KCNMB2: variants seen among roughly 807,000 people sequenced by gnomAD.
The protein encoded by KCNMB2 is calcium-activated potassium channel subunit beta-2.
Under a neutral mutation model 24.5 loss-of-function variants are expected in KCNMB2, and 9 were observed. The observed-to-expected ratio is 0.37, with a 90% CI of 0.22 to 0.64. The LOEUF is 0.64. Ranked by LOEUF, KCNMB2 falls within the 30% of genes least tolerant of loss-of-function variation. The pLI is 0.63. For synonymous variants in KCNMB2, 109 were observed against 104.4 expected, an observed-to-expected ratio of 1.04 and a Z score of -0.27; for missense variants, 226 against 284.3, an observed-to-expected ratio of 0.79 and a Z score of 1.47.
intron 1 of KCNMB2, among the ~76,000 whole-genome samples, chr3:178,566,825 G>A (rs899178482): frequency 6.6e-5 from 10 of 152,296 alleles, no homozygotes; most frequent in Middle Eastern, 6.8e-3. Flanking sequence ...ACCAAGTAGC[G>A]CTGTGCTTAA....
intron 1 of KCNMB2, among the ~76,000 whole-genome samples, chr3:178,579,741 A>T (rs992849748): frequency 6.6e-6 from 1 of 152,138 alleles, no homozygotes; most frequent in Admixed American, 6.5e-5. Context: ...CACTATAAAC[A>T]CCTCTATGCA....
At chr3:178,623,878 C>A (rs566858670) in intron 1 of KCNMB2, among the ~76,000 whole-genome samples, 1 of 152,142 alleles carries the variant, frequency 6.6e-6, no homozygotes, top group Admixed American at 6.5e-5. Flanking sequence ...TACTTGAGTG[C>A]TGGGCAAGCC....
chr3:178,768,080 T>C (rs1335621204), intron 1 of KCNMB2, among the ~76,000 whole-genome samples: 1 of 152,176 alleles, frequency 6.6e-6, no homozygotes, highest in Non-Finnish European at 1.5e-5. Context: ...AGACAGGAAT[T>C]TAAGTGAAGA....
At chr3:178,733,516 C>T (rs1341797545) in intron 1 of KCNMB2, among the ~76,000 whole-genome samples, 1 of 151,900 alleles carries the variant, frequency 6.6e-6, no homozygotes, top group Non-Finnish European at 1.5e-5. Flanking sequence ...AGTCTCGCTC[C>T]GTCGCCCAGG....
intron 2 of KCNMB2, among the ~76,000 whole-genome samples, chr3:178,809,872 C>A (rs1202900389): frequency 6.6e-6 from 1 of 152,140 alleles, no homozygotes; most frequent in African/African-American, 2.4e-5. Context: ...ACGAAGAAAT[C>A]ATTTTTCAGC....
intron 1 of KCNMB2, among the ~76,000 whole-genome samples, chr3:178,602,302 C>T (rs1038709410): frequency 6.6e-6 from 1 of 150,822 alleles, no homozygotes; most frequent in African/African-American, 2.5e-5. Context: ...TCCCCCTCCC[C>T]ACAAAAAAAT....
rs1267208178 is a variant in KCNMB2 at position 178,842,941 on chromosome 3, C to CA, written c.*9dup. On this transcript the variant is annotated 3_prime_UTR_variant, in exon 5 of 5. Transcript: ENST00000452583. The stretch of plus-strand genomic sequence containing the variant: ...GATCCAACGGATCAATAGATAAATG[C>CA]AAAAATGGATAAAATAATTTTTGTT... 3.2e-6 allele frequency: 5 copies of CA among 1,587,120 alleles called. No homozygotes were observed. Among genetic ancestry groups the CA allele is most frequent in the African/African-American group, 1.4e-5 (1 of 73,454 alleles).
intron 1 of KCNMB2, among the ~76,000 whole-genome samples, chr3:178,581,205 T>A (rs985706620): frequency 1.7e-4 from 26 of 152,108 alleles, no homozygotes; most frequent in African/African-American, 6.0e-4. Flanking sequence ...GCCTCAGAAA[T>A]AACATCACAC....
chr3:178,816,181 G>C (rs920052289), intron 2 of KCNMB2, among the ~76,000 whole-genome samples: 1 of 151,738 alleles, frequency 6.6e-6, no homozygotes, highest in African/African-American at 2.4e-5. Flanking sequence ...ATAAGTATTT[G>C]AGTTTTCTAT....
chr3:178,762,752 T>G (rs1195339388), intron 1 of KCNMB2, among the ~76,000 whole-genome samples: 5 of 151,856 alleles, frequency 3.3e-5, no homozygotes, highest in Non-Finnish European at 7.4e-5. Flanking sequence ...CATTTCTGGA[T>G]TTAGGAAAGC....
At chr3:178,786,875 T>C (rs1401062538) in intron 1 of KCNMB2, among the ~76,000 whole-genome samples, 2 of 151,830 alleles carry the variant, frequency 1.3e-5, no homozygotes, top group African/African-American at 4.8e-5. Flanking sequence ...ATGTAAAATA[T>C]AAATTACATT....
chr3:178,679,023 T>G lies in KCNMB2; in HGVS notation c.-67-128320T>G, dbSNP rs983193991. Among the ~76,000 whole-genome samples, 41 of 143,934 alleles carry G rather than the reference T, an allele frequency of 2.8e-4. 1 individual carries two copies. The highest frequency in any genetic ancestry group is 2.3e-3 in the South Asian group (10 of 4,352). 94.4% of individuals were successfully genotyped at this position (143,934 alleles called of 152,430 possible). A position where few individuals can be genotyped will look rare whatever the true frequency, so the allele number is the denominator to read the frequency against. On this transcript the variant is annotated intron_variant, in intron 1 of 4. Transcript: ENST00000452583. Reference sequence around the variant, plus strand: ...GTTGTCATTGTTGTTCATTTATCAGTTTTTTTTTGTTTGTTTGTTTTTTGT... The same window carrying G: ...GTTGTCATTGTTGTTCATTTATCAGGTTTTTTTTGTTTGTTTGTTTTTTGT...
At chr3:178,751,318 T>C (rs1253352573) in intron 1 of KCNMB2, among the ~76,000 whole-genome samples, 2 of 152,062 alleles carry the variant, frequency 1.3e-5, no homozygotes, top group African/African-American at 2.4e-5. Flanking sequence ...CAGTAGCTCA[T>C]GCCTGTAATC....
intron 1 of KCNMB2, among the ~76,000 whole-genome samples, chr3:178,563,993 G>T (rs1716417868): frequency 6.6e-6 from 1 of 152,086 alleles, no homozygotes; most frequent in Non-Finnish European, 1.5e-5. Flanking sequence ...AAAACATTGA[G>T]ATTCTGGCCA....
At chr3:178,757,199 A>G (rs1324425026) in intron 1 of KCNMB2, 21 of 147,622 alleles carry the variant, frequency 1.4e-4, no homozygotes, top group Non-Finnish European at 2.5e-4. Context: ...AAAAAAAAAC[A>G]GTTACAATCA....
chr3:178,569,219 C>T (rs1042940898), intron 1 of KCNMB2, among the ~76,000 whole-genome samples: 1 of 152,126 alleles, frequency 6.6e-6, no homozygotes, highest in African/African-American at 2.4e-5. Context: ...GACAGAGAGG[C>T]AATCTCTTCA....
At chr3:178,571,994 C>T (rs1716820793) in intron 1 of KCNMB2, among the ~76,000 whole-genome samples, 1 of 152,190 alleles carries the variant, frequency 6.6e-6, no homozygotes, top group Admixed American at 6.5e-5. Flanking sequence ...AATAAACACA[C>T]GTGTGCATGT....
intron 1 of KCNMB2, among the ~76,000 whole-genome samples, chr3:178,548,734 A>G (rs1335765976): frequency 2.0e-5 from 3 of 152,178 alleles, no homozygotes; most frequent in Non-Finnish European, 4.4e-5. Flanking sequence ...AGCCTCTCCA[A>G]TCTTTGAACT....
In KCNMB2 at chr3:178,611,613, G is replaced by A. The variant is rs192221567; in HGVS notation, c.-68+74902G>A. 9.7e-3 allele frequency among the ~76,000 whole-genome samples: 1,476 copies of A among 152,234 alleles called. 28 individuals carry two copies. The highest frequency in any genetic ancestry group is 0.034 in the African/African-American group (1,419 of 41,530). On this transcript the variant is annotated intron_variant, in intron 1 of 4. Transcript: ENST00000452583. ...CCAGCTATTCGGGAGGCTGAGGCAG[G>A]AGAATGGTGTGAACCCAGGAGGTGG...
Sources: allele counts gnomAD v4.1 joint callset (sites outside exome capture counted in the v4.1 genomes callset), GRCh38; gene constraint gnomAD v4.1.1; transcripts MANE v1.5; gene names NCBI Gene and HGNC (gene_info 2026-07-23, HGNC 2026-07-21).